The following TRIM71 variants were observed in gnomAD, a reference collection of about 807,000 sequenced individuals.
TRIM71 encodes E3 ubiquitin-protein ligase TRIM71.
Under a neutral mutation model 61.2 loss-of-function variants are expected in TRIM71, and 9 were observed. The ratio of observed to expected loss-of-function variants is 0.15; its 90% CI spans 0.09 to 0.26. The LOEUF (loss-of-function observed/expected upper bound fraction) is 0.26. Among genes scored for constraint, TRIM71 ranks in the 10% least tolerant of loss-of-function variants. The pLI is 1.00. For missense variants in TRIM71, 998 were observed against 1,238.7 expected (o/e 0.81, Z 2.92); for synonymous variants, 645 against 553.2 (o/e 1.17, Z -2.33).
intron 1 of TRIM71, among the ~76,000 whole-genome samples, chr3:32,851,115 T>G (rs1176075748): frequency 1.3e-5 from 2 of 152,240 alleles, no homozygotes; most frequent in African/African-American, 2.4e-5. Context: ...CTGGTTCAGC[T>G]TACACATTTT....
chr3:32,868,548 A>C (rs1036922832), intron 1 of TRIM71, among the ~76,000 whole-genome samples: 1 of 152,166 alleles, frequency 6.6e-6, no homozygotes, highest in East Asian at 1.9e-4. Context: ...GCATCTCTGC[A>C]CGGAGTGACC....
At chr3:32,860,161 C>T (rs1696651162) in intron 1 of TRIM71, among the ~76,000 whole-genome samples, 1 of 140,466 alleles carries the variant, frequency 7.1e-6, no homozygotes, top group South Asian at 2.6e-4. Flanking sequence ...CCTCCCCTCT[C>T]CTCCCCTTCC....
At chr3:32,864,958 C>T (rs1032069222) in intron 1 of TRIM71, among the ~76,000 whole-genome samples, 2 of 151,684 alleles carry the variant, frequency 1.3e-5, no homozygotes, top group Admixed American at 6.6e-5. Context: ...TTTTCCCTGC[C>T]GGAATCCCCT....
At chr3:32,877,501 A>T (rs766818152) in intron 2 of TRIM71, among the ~76,000 whole-genome samples, 12 of 151,808 alleles carry the variant, frequency 7.9e-5, no homozygotes, top group Non-Finnish European at 1.6e-4. Context: ...GACTACAGGT[A>T]TGCTCCACCA....
chr3:32,867,166 T>A (rs1696746808), intron 1 of TRIM71, among the ~76,000 whole-genome samples: 1 of 151,906 alleles, frequency 6.6e-6, no homozygotes, highest in Admixed American at 6.6e-5. Flanking sequence ...ACTCCCACTT[T>A]TACCACCCCC....
Position 32,818,145 on chromosome 3 carries a change from C to G in TRIM71, c.65C>G (p.Pro22Arg). ...CTGTGCAAGGAGATGTGCGGCTCGCCGGCGCCGCTCTCCTCCAACTCGTCC... is the reference window on the plus strand; with the variant it reads ...CTGTGCAAGGAGATGTGCGGCTCGCGGGCGCCGCTCTCCTCCAACTCGTCC... ...CLLCKEMCGS[P>R]APLSSNSSAS... Residue 22 changes from proline (P) to arginine (R), a missense_variant, in exon 1 of 4, where the codon CCG (proline) becomes CGG (arginine). Transcript: ENST00000383763. The G allele has an allele frequency of 1.2e-6, 2 of 1,610,854 alleles. No individual in the cohort carries two copies. The highest frequency in any genetic ancestry group is 1.7e-6 in the Non-Finnish European group (2 of 1,178,696).
intron 1 of TRIM71, among the ~76,000 whole-genome samples, chr3:32,851,951 C>A (rs1362434508): frequency 6.6e-6 from 1 of 152,186 alleles, no homozygotes; most frequent in Non-Finnish European, 1.5e-5. Flanking sequence ...CAACAGCTTT[C>A]TTTTGTGGGG....
chr3:32,876,212 G>A (rs1185298619), intron 2 of TRIM71, among the ~76,000 whole-genome samples: 2 of 152,116 alleles, frequency 1.3e-5, no homozygotes, highest in Admixed American at 6.5e-5. Context: ...TTGGGACCTT[G>A]ACAAATAAAT....
chr3:32,871,881 C>T (rs944577981), intron 1 of TRIM71, among the ~76,000 whole-genome samples: 2 of 152,204 alleles, frequency 1.3e-5, no homozygotes, highest in Non-Finnish European at 2.9e-5. Context: ...CGTTGGCTCA[C>T]GCCTGTAATC....
chr3:32,890,228 A>T lies in TRIM71; in HGVS notation c.1156-132A>T. ...TTTTGCTGCTTTTGAAGAAAGACAG[A>T]TGTCTTTTGTAGACCATCCCACAAT... On this transcript the variant is annotated intron_variant, in intron 3 of 3. Coordinates refer to ENST00000383763, the MANE Select transcript of TRIM71 (RefSeq NM_001039111.3). This position sits in a 1 kb window ranked among gnomAD's most constrained non-coding sequence, Gnocchi z 6.2. 2.4e-6 allele frequency: 3 copies of T among 1,233,414 alleles called. No individual in the cohort carries two copies. The highest frequency in any genetic ancestry group is 3.4e-6 in the Non-Finnish European group (3 of 890,788). 76.4% of individuals were successfully genotyped at this position (1,233,414 alleles called of 1,614,324 possible). A position where few individuals can be genotyped will look rare whatever the true frequency, so the allele number is the denominator to read the frequency against.
At chr3:32,872,731 C>G (rs1028896092) in intron 1 of TRIM71, among the ~76,000 whole-genome samples, 6 of 152,206 alleles carry the variant, frequency 3.9e-5, no homozygotes, top group African/African-American at 1.4e-4. Context: ...CTCATGCTGG[C>G]TTCCCTGCTG....
At chr3:32,832,430 T>C (rs1575342654) in intron 1 of TRIM71, among the ~76,000 whole-genome samples, 1 of 152,224 alleles carries the variant, frequency 6.6e-6, no homozygotes, top group East Asian at 1.9e-4. Context: ...ATCATGCCAT[T>C]GCACTTCAGC....
At chr3:32,878,958 T>C (rs1018230691) in intron 2 of TRIM71, among the ~76,000 whole-genome samples, 3 of 152,272 alleles carry the variant, frequency 2.0e-5, no homozygotes, top group Non-Finnish European at 4.4e-5. Context: ...TAAAAGGATG[T>C]CTTGAAAGTC....
chr3:32,832,819 C>T (rs1696288049), intron 1 of TRIM71, among the ~76,000 whole-genome samples: 1 of 152,058 alleles, frequency 6.6e-6, no homozygotes, highest in Non-Finnish European at 1.5e-5. Context: ...CGATTGATAA[C>T]ATTGAAGAAA....
At chr3:32,829,206 T>TG (rs1696238590) in intron 1 of TRIM71, among the ~76,000 whole-genome samples, 1 of 145,926 alleles carries the variant, frequency 6.9e-6, no homozygotes, top group Non-Finnish European at 1.5e-5. Context: ...TTTTTTGAGA[T>TG]GGAGTTTTGC....
intron 1 of TRIM71, among the ~76,000 whole-genome samples, chr3:32,822,990 G>A (rs1447556457): frequency 6.6e-6 from 1 of 152,128 alleles, no homozygotes; most frequent in East Asian, 1.9e-4. Flanking sequence ...ACAGAAATGG[G>A]TATTCTAGTA....
At chr3:32,888,364 T>C (rs938191985) in intron 3 of TRIM71, among the ~76,000 whole-genome samples, 2 of 139,870 alleles carry the variant, frequency 1.4e-5, no homozygotes, top group Non-Finnish European at 3.0e-5. Context: ...TTTGGGAGGC[T>C]GAGGTGGGAA....
intron 1 of TRIM71, among the ~76,000 whole-genome samples, chr3:32,826,992 C>T: frequency 6.6e-6 from 1 of 151,730 alleles, no homozygotes; most frequent in Non-Finnish European, 1.5e-5. Context: ...TCTTGATCTC[C>T]TGACCTCATG....
At chr3:32,868,029 G>C (rs1266775801) in intron 1 of TRIM71, among the ~76,000 whole-genome samples, 2 of 152,128 alleles carry the variant, frequency 1.3e-5, no homozygotes, top group African/African-American at 4.8e-5. Flanking sequence ...AGACGCTGCT[G>C]AGACTGCCAG....
Sources: gnomAD v4.1 joint callset for allele counts (sites outside exome capture counted in the v4.1 genomes callset) on GRCh38, gnomAD v4.1.1 for gene constraint, Gnocchi (gnomAD v3.1) non-coding constraint, MANE v1.5 for transcripts, NCBI Gene and HGNC (gene_info 2026-07-23, HGNC 2026-07-21) for gene names.